STT3B: variants seen among roughly 807,000 people sequenced by gnomAD.
STT3B encodes the protein dolichyl-diphosphooligosaccharide--protein glycosyltransferase subunit STT3B.
STT3B carries 29 observed loss-of-function variants against 96.8 expected under a neutral mutation model. The ratio of observed to expected loss-of-function variants is 0.30; its 90% CI spans 0.22 to 0.41. The LOEUF (loss-of-function observed/expected upper bound fraction) is 0.41. Ranked by LOEUF, STT3B falls within the 10% of genes least tolerant of loss-of-function variation. STT3B has a pLI of 1.00. For missense variants in STT3B, 640 were observed against 1,022.3 expected (o/e 0.63, Z 5.10); for synonymous variants, 367 against 360.0 (o/e 1.02, Z -0.22).
intron 2 of STT3B, among the ~76,000 whole-genome samples, chr3:31,579,334 A>G (rs1353735207): frequency 6.6e-6 from 1 of 151,776 alleles, no homozygotes; most frequent in Non-Finnish European, 1.5e-5. Context: ...ACATTTTTTT[A>G]TAAATATGAC....
chr3:31,598,963 C>A (rs1476441762), intron 4 of STT3B, among the ~76,000 whole-genome samples: 2 of 152,042 alleles, frequency 1.3e-5, no homozygotes, highest in Non-Finnish European at 2.9e-5. Context: ...GCATGTGCCA[C>A]CATGCCTGGC....
rs183361302 is a variant in STT3B, at chr3:31,536,448, A to G, written c.314+3136A>G. Among the ~76,000 whole-genome samples the G allele has an allele frequency of 1.5e-3, 225 of 152,266 alleles. 1 individual carries two copies. Among genetic ancestry groups the G allele is most frequent in the Middle Eastern group, 0.014 (4 of 294 alleles). On this transcript the variant is annotated intron_variant, in intron 1 of 15. Transcript: ENST00000295770. ...CATACCTTCCCTGACCTCTTTTTCCATATCTCTATCAATGGTTTCATTTCT... is the reference window on the plus strand; with the variant it reads ...CATACCTTCCCTGACCTCTTTTTCCGTATCTCTATCAATGGTTTCATTTCT...
chr3:31,609,895 T>C (rs774838583), intron 5 of STT3B, among the ~76,000 whole-genome samples: 9 of 152,230 alleles, frequency 5.9e-5, no homozygotes, highest in Non-Finnish European at 1.3e-4. Flanking sequence ...TGTGATTAAG[T>C]ATCTCTACTG....
rs77139530 is a variant in STT3B, at chr3:31,538,262, A to G, written c.314+4950A>G. Among the ~76,000 whole-genome samples the G allele has an allele frequency of 3.7e-3, 569 of 152,334 alleles. 7 individuals carry two copies. Among genetic ancestry groups the G allele is most frequent in the African/African-American group, 0.013 (529 of 41,578 alleles). On this transcript the variant is annotated intron_variant, in intron 1 of 15. Coordinates refer to ENST00000295770, the MANE Select transcript of STT3B (RefSeq NM_178862.3). Reference sequence around the variant, plus strand: ...CATCTTTGTTCCCCAACACCATGATAAAGAGGATTTATTTCTACATAGTGT... The same window carrying G: ...CATCTTTGTTCCCCAACACCATGATGAAGAGGATTTATTTCTACATAGTGT...
chr3:31,559,082 GTT>G (rs1208331748), intron 1 of STT3B, among the ~76,000 whole-genome samples: 3 of 116,660 alleles, frequency 2.6e-5, no homozygotes. Flanking sequence ...TGCCTTATTG[GTT>G]TTTTTTTTTT....
intron 9 of STT3B, among the ~76,000 whole-genome samples, chr3:31,620,773 A>C (rs1473704817): frequency 6.6e-6 from 1 of 152,220 alleles, no homozygotes; most frequent in African/African-American, 2.4e-5. Context: ...GGATCACACC[A>C]GTTGGTAAGT....
intron 5 of STT3B, among the ~76,000 whole-genome samples, chr3:31,607,861 A>G (rs1444449827): frequency 6.6e-6 from 1 of 152,058 alleles, no homozygotes; most frequent in African/African-American, 2.4e-5. Flanking sequence ...CCGCCTTCCA[A>G]AGTGTTGGGA....
chr3:31,552,273 A>T (rs1355577042), intron 1 of STT3B, among the ~76,000 whole-genome samples: 1 of 152,352 alleles, frequency 6.6e-6, no homozygotes, highest in Admixed American at 6.5e-5. Context: ...GATCTCATGT[A>T]ATCAAAAAAT....
At position 31,636,136 on chromosome 3, in the gene STT3B, G is replaced by A. The variant is rs993042044; in HGVS notation, c.*72G>A. 4.3e-5 allele frequency: 51 copies of A among 1,187,338 alleles called. No homozygotes were observed. The Middle Eastern group carries it at 9.9e-4, about 23-fold the overall frequency. The allele number at this position is 1,187,338 out of a possible 1,614,324, so 73.6% of individuals were successfully genotyped here. On this transcript the variant is annotated 3_prime_UTR_variant, in exon 16 of 16. Coordinates refer to ENST00000295770, the MANE Select transcript of STT3B (RefSeq NM_178862.3). ...CCGGTCTTTGCCTTTAGCTCATGTC[G>A]TGTTTCACAGCAAAGAGGGTACAGA...
intron 1 of STT3B, among the ~76,000 whole-genome samples, chr3:31,536,642 T>C (rs143087634): frequency 1.1e-4 from 17 of 152,348 alleles, no homozygotes; most frequent in African/African-American, 4.1e-4. Flanking sequence ...CCAGTTGTCA[T>C]AAGGGGTGAT....
intron 1 of STT3B, among the ~76,000 whole-genome samples, chr3:31,571,161 C>T (rs1423333721): frequency 1.3e-5 from 2 of 152,080 alleles, no homozygotes; most frequent in African/African-American, 4.8e-5. Flanking sequence ...GAACAGGCAG[C>T]TCTAATCCTG....
At chr3:31,635,738 G>T (rs997808377) in intron 15 of STT3B, among the ~76,000 whole-genome samples, 1 of 152,166 alleles carries the variant, frequency 6.6e-6, no homozygotes, top group Non-Finnish European at 1.5e-5. Context: ...GAGGGCTGAA[G>T]ATTCATTCAC....
intron 1 of STT3B, among the ~76,000 whole-genome samples, chr3:31,540,647 C>T (rs1697242897): frequency 6.6e-6 from 1 of 152,032 alleles, no homozygotes; most frequent in Non-Finnish European, 1.5e-5. Context: ...CCCTGCCTCC[C>T]CGCCCCACAA....
At chr3:31,541,827 C>T (rs754837666) in intron 1 of STT3B, among the ~76,000 whole-genome samples, 3 of 152,170 alleles carry the variant, frequency 2.0e-5, no homozygotes, top group Non-Finnish European at 2.9e-5. Flanking sequence ...GCACCCTCCT[C>T]GGCCTCCCAA....
intron 1 of STT3B, among the ~76,000 whole-genome samples, chr3:31,549,416 T>G (rs1697496785): frequency 6.6e-6 from 1 of 152,100 alleles, no homozygotes; most frequent in South Asian, 2.1e-4. Context: ...GAGTGATTGT[T>G]TTATTTTAGT....
At chr3:31,608,875 G>C (rs1699117217) in intron 5 of STT3B, among the ~76,000 whole-genome samples, 2 of 152,312 alleles carry the variant, frequency 1.3e-5, no homozygotes, top group African/African-American at 4.8e-5. Flanking sequence ...CCAGCACTTT[G>C]GGAGGCTGAG....
intron 5 of STT3B, among the ~76,000 whole-genome samples, chr3:31,614,256 T>C (rs1019291708): frequency 3.9e-5 from 6 of 151,974 alleles, no homozygotes; most frequent in African/African-American, 1.4e-4. Context: ...GTGTAATCTG[T>C]ATAAATGGGG....
chr3:31,544,951 G>A (rs1033385979), intron 1 of STT3B, among the ~76,000 whole-genome samples: 1 of 151,980 alleles, frequency 6.6e-6, no homozygotes, highest in Non-Finnish European at 1.5e-5. Flanking sequence ...AGCGGGGGGG[G>A]AACATTGCAT....
Position 31,617,052 on chromosome 3 carries a change from G to C in STT3B, c.1100G>C (p.Ser367Thr), listed in dbSNP as rs1446279934. Residue 367 changes from serine to threonine, a missense_variant, in exon 7 of 16, where the codon AGT becomes ACT. Ser to Thr is a moderately conservative substitution (Grantham distance 58). Coordinates refer to ENST00000295770, the MANE Select transcript of STT3B (RefSeq NM_178862.3). Reference protein sequence around the residue: ...VSLAAGAVFLSVIYLTYTGYI... With the variant: ...VSLAAGAVFLTVIYLTYTGYI... ...CTAGCTGCAGGTGCTGTGTTCCTTA[G>C]TGTCATCTATTTGACTTATACAGGT... 3 of 1,609,066 alleles carry C rather than the reference G, an allele frequency of 1.9e-6. No homozygotes were observed.
Sources: gnomAD v4.1 joint callset for allele counts (sites outside exome capture counted in the v4.1 genomes callset) on GRCh38, gnomAD v4.1.1 for gene constraint, MANE v1.5 for transcripts, NCBI Gene and HGNC (gene_info 2026-07-23, HGNC 2026-07-21) for gene names.